FHAD1: variants seen among roughly 807,000 people sequenced by gnomAD.
FHAD1 encodes forkhead associated phosphopeptide binding domain 1.
FHAD1 carries 146 observed loss-of-function variants against 191.3 expected under a neutral mutation model. The ratio of observed to expected loss-of-function variants is 0.76; its 90% CI spans 0.67 to 0.88. FHAD1 has a LOEUF of 0.88. Ranked by LOEUF, FHAD1 falls within the 40% of genes least tolerant of loss-of-function variation. The pLI, the probability that FHAD1 is intolerant of heterozygous loss-of-function variation, is 0.00. For missense variants in FHAD1, 1,635 were observed against 1,785.8 expected (o/e 0.92, Z 1.52); for synonymous variants, 616 against 672.3 (o/e 0.92, Z 1.29).
rs1685656772 is a variant in FHAD1, at chr1:15,339,490, T to C, written c.1916T>C (p.Leu639Ser). 1 of 1,271,992 alleles carries C rather than the reference T, an allele frequency of 7.9e-7. No homozygotes were observed. Among genetic ancestry groups the C allele is most frequent in the Non-Finnish European group, 1.0e-6 (1 of 966,912 alleles). 78.8% of individuals were successfully genotyped at this position (1,271,992 alleles called of 1,614,324 possible). A position where few individuals can be genotyped will look rare whatever the true frequency, so the allele number is the denominator to read the frequency against. ...CTTCTCTTTTTTTAAGGGTTCTCTT[T>C]GTATCTGATATATCTTCTGGAACAT... Reference protein sequence around the residue: ...LPSSPNKGFSLYLIYLLEHYK... With the variant: ...LPSSPNKGFSSYLIYLLEHYK... The change falls in exon 15 of 34, where the codon TTG becomes TCG. Residue 639 changes from leucine to serine, a missense_variant. Coordinates refer to ENST00000688493, the MANE Select transcript of FHAD1 (RefSeq NM_001391957.1).
chr1:15,272,810 G>A (rs367997303), intron 3 of FHAD1, among the ~76,000 whole-genome samples: 6 of 152,174 alleles, frequency 3.9e-5, no homozygotes, highest in Admixed American at 6.5e-5. Flanking sequence ...GAGAGGAGGC[G>A]GAAAACAAGG....
Position 15,325,796 on chromosome 1 carries a change from AC to A in FHAD1, c.1473+1238del, listed in dbSNP as rs1248638917. The A allele has an allele frequency of 2.0e-5, 3 of 152,678 alleles. No individual in the cohort carries two copies. Among genetic ancestry groups the A allele is most frequent in the Admixed American group, 6.5e-5 (1 of 15,304 alleles). The allele number at this position is 152,678 out of a possible 1,614,324, so 9.5% of individuals were successfully genotyped here. On this transcript the variant is annotated intron_variant, in intron 11 of 33. Transcript: ENST00000688493. The surrounding 1 kb of genome is among the most constrained non-coding windows in gnomAD (Gnocchi z 4.6). ...TCCAGGTCTAGACTTGAGAGAAAGG[AC>A]AAGCCCTCTCTCTGCCTCCCAGTGC...
intron 7 of FHAD1, among the ~76,000 whole-genome samples, chr1:15,310,736 G>T (rs61780969): frequency 1.3e-5 from 2 of 152,144 alleles, no homozygotes; most frequent in Admixed American, 1.3e-4. Context: ...GCCGGGTTAC[G>T]CTGCAGTGAC....
chr1:15,401,859 G>C (rs1707135569), downstream of FHAD1, among the ~76,000 whole-genome samples: 1 of 152,206 alleles, frequency 6.6e-6, no homozygotes, highest in Non-Finnish European at 1.5e-5. Context: ...TGCACTGCTT[G>C]CATCCGTCTG....
At chr1:15,333,575 A>C (rs1303237794) in intron 14 of FHAD1, among the ~76,000 whole-genome samples, 1 of 152,122 alleles carries the variant, frequency 6.6e-6, no homozygotes, top group African/African-American at 2.4e-5. Context: ...TTACTCCACC[A>C]GGATAAGGTG....
intron 5 of FHAD1, among the ~76,000 whole-genome samples, chr1:15,300,036 A>G (rs987188503): frequency 2.0e-5 from 3 of 152,364 alleles, no homozygotes; most frequent in Admixed American, 2.0e-4. Context: ...CCTTCCCACC[A>G]GTGGAAAATT....
intron 2 of FHAD1, 65 bp downstream of exon 2, chr1:15,251,942 C>G: frequency 7.4e-7 from 1 of 1,348,280 alleles, no homozygotes. Flanking sequence ...CTCTAACAGT[C>G]CTTAGCGTTA....
At chr1:15,342,356 G>A (rs1043681280) in intron 16 of FHAD1, among the ~76,000 whole-genome samples, 3 of 152,186 alleles carry the variant, frequency 2.0e-5, no homozygotes, top group Admixed American at 6.5e-5. Context: ...TCTAAAACTC[G>A]AACGTGCCCA....
chr1:15,397,457 C>A lies in FHAD1; in HGVS notation c.*44C>A. On this transcript the variant is annotated 3_prime_UTR_variant, in exon 34 of 34. Transcript: ENST00000688493. Reference sequence around the variant, plus strand: ...GGCCTCATGTGATCCTCTGTGAGTTCATGTGACTCTTCTGTGTCATCTGTG... The same window carrying A: ...GGCCTCATGTGATCCTCTGTGAGTTAATGTGACTCTTCTGTGTCATCTGTG... 1 of 942,500 alleles carries A rather than the reference C, an allele frequency of 1.1e-6. No individual in the cohort carries two copies. Among genetic ancestry groups the A allele is most frequent in the South Asian group, 1.9e-5 (1 of 53,978 alleles). 58.4% of individuals were successfully genotyped at this position (942,500 alleles called of 1,614,324 possible).
At chr1:15,386,151 C>T (rs987396402) in intron 31 of FHAD1, among the ~76,000 whole-genome samples, 1 of 152,192 alleles carries the variant, frequency 6.6e-6, no homozygotes, top group Non-Finnish European at 1.5e-5. Flanking sequence ...GCACCAATAA[C>T]GGTAACAACA....
intron 6 of FHAD1, among the ~76,000 whole-genome samples, chr1:15,301,972 G>A (rs373592530): frequency 1.1e-4 from 16 of 152,188 alleles, no homozygotes; most frequent in East Asian, 7.7e-4. Flanking sequence ...CTGAGATGGC[G>A]CCACTGCACT....
At chr1:15,395,621 C>T (rs759574622) in intron 33 of FHAD1, among the ~76,000 whole-genome samples, 8 of 152,256 alleles carry the variant, frequency 5.3e-5, no homozygotes, top group Middle Eastern at 3.4e-3. Flanking sequence ...GTCATGCACA[C>T]GGCTGCCAGG....
chr1:15,294,776 G>A (rs1042052307), intron 4 of FHAD1, among the ~76,000 whole-genome samples: 2 of 152,004 alleles, frequency 1.3e-5, no homozygotes, highest in African/African-American at 4.8e-5. Context: ...CACTCAAGCT[G>A]TGATACTCAA....
intron 6 of FHAD1, among the ~76,000 whole-genome samples, chr1:15,304,072 A>G (rs1574149904): frequency 6.6e-6 from 1 of 152,228 alleles, no homozygotes; most frequent in Admixed American, 6.5e-5. Flanking sequence ...TACAAGCCAC[A>G]TGGCAGGTTG....
chr1:15,385,806 A>G (rs935838948), intron 31 of FHAD1, among the ~76,000 whole-genome samples: 1 of 152,182 alleles, frequency 6.6e-6, no homozygotes, highest in African/African-American at 2.4e-5. Context: ...ATAGTTCTAT[A>G]CTAATACCTC....
rs551228538 is a variant in FHAD1 at position 15,301,253 on chromosome 1, T to C, written c.727T>C (p.Tyr243His). The C allele has an allele frequency of 1.1e-5, 17 of 1,551,694 alleles. No homozygotes were observed. The Admixed American group carries it at 1.6e-4, about 14-fold the overall frequency. ...LGKEVSRLSD[Y>H]EIESKYKDVI... ...AAAAGAGGTCAGCCGTCTCTCAGAT[T>C]ATGAAATTGAATCCAAATACAAAGA... The change falls in exon 6 of 34, where the codon TAT becomes CAT. Residue 243 changes from tyrosine (Y) to histidine (H), a missense_variant. Tyr to His is a moderately conservative substitution (Grantham distance 83). Coordinates refer to ENST00000688493, the MANE Select transcript of FHAD1 (RefSeq NM_001391957.1).
At chr1:15,315,310 C>G (rs1674003383) in intron 8 of FHAD1, 1 of 151,994 alleles carries the variant, frequency 6.6e-6, no homozygotes, top group Non-Finnish European at 1.5e-5. Flanking sequence ...AAAAATATAT[C>G]TGTAACAGAT....
chr1:15,358,289 T>A lies in FHAD1; in HGVS notation c.2736+6T>A, dbSNP rs1693521333. The A allele has an allele frequency of 6.6e-7, 1 of 1,524,234 alleles. No individual in the cohort carries two copies. The highest frequency in any genetic ancestry group is 2.5e-5 in the East Asian group (1 of 40,668). 94.4% of individuals were successfully genotyped at this position (1,524,234 alleles called of 1,614,324 possible). ...AAACTACCAAGACAAAAATGGTAAG[T>A]CGGTGCCTTCCGGGAACGGGAGAAT... On this transcript the variant is annotated splice_donor_region_variant and intron_variant, in intron 21 of 33. Coordinates refer to ENST00000688493, the MANE Select transcript of FHAD1 (RefSeq NM_001391957.1).
intron 3 of FHAD1, among the ~76,000 whole-genome samples, chr1:15,273,984 A>C (rs1657235535): frequency 6.6e-6 from 1 of 152,142 alleles, no homozygotes; most frequent in African/African-American, 2.4e-5. Context: ...TATAAGCGAA[A>C]TCATACGATA....
Sources: gnomAD v4.1 joint callset for allele counts (sites outside exome capture counted in the v4.1 genomes callset) on GRCh38, gnomAD v4.1.1 for gene constraint, Gnocchi (gnomAD v3.1) non-coding constraint, MANE v1.5 for transcripts, NCBI Gene and HGNC (gene_info 2026-07-23, HGNC 2026-07-21) for gene names.